The following DPP6 variants were observed in gnomAD, a reference collection of about 807,000 sequenced individuals.
The protein encoded by DPP6 is dipeptidyl peptidase like 6, also known as A-type potassium channel modulatory protein DPP6.
DPP6 carries 69 observed loss-of-function variants against 122.6 expected under a neutral mutation model. The ratio of observed to expected loss-of-function variants is 0.56; its 90% confidence interval spans 0.46 to 0.69. The LOEUF (loss-of-function observed/expected upper bound fraction) is 0.69, where lower values mean the gene tolerates loss of function less well. DPP6 is among the 30% of genes least tolerant of loss of function. The pLI is 0.00. For missense variants in DPP6, 928 were observed against 1,116.9 expected (o/e 0.83, Z 2.41); for synonymous variants, 418 against 433.1 (o/e 0.97, Z 0.43).
chr7:154,237,042 C>T (rs1232796904), intron 1 of DPP6, among the ~76,000 whole-genome samples: 5 of 152,126 alleles, frequency 3.3e-5, no homozygotes, highest in Non-Finnish European at 7.3e-5. Flanking sequence ...GAGTCCTTCC[C>T]ATTGAGGTCC....
the DPP6 span, among the ~76,000 whole-genome samples, chr7:153,789,942 A>G: frequency 6.6e-6 from 1 of 152,148 alleles, no homozygotes; most frequent in Non-Finnish European, 1.5e-5. Context: ...AGGAGTATCT[A>G]GAGAATTTGG....
At chr7:154,807,558 C>T (rs943243364) in intron 16 of DPP6, among the ~76,000 whole-genome samples, 14 of 152,310 alleles carry the variant, frequency 9.2e-5, no homozygotes, top group South Asian at 2.1e-4. Flanking sequence ...CGGTGGCTCA[C>T]GCTTGTAATC....
intron 18 of DPP6, among the ~76,000 whole-genome samples, chr7:154,870,499 G>C (rs1389454817): frequency 1.3e-5 from 2 of 152,092 alleles, no homozygotes; most frequent in East Asian, 3.9e-4. Context: ...CCAGTTACTT[G>C]GGAGGCTGAG....
At chr7:154,803,767 C>G in intron 13 of DPP6, 97 bp from the exon 14 acceptor site, 11 of 1,486,168 alleles carry the variant, frequency 7.4e-6, no homozygotes, top group Non-Finnish European at 9.0e-6. Context: ...GAATGGCAGC[C>G]CCTGTCACCT....
intron 10 of DPP6, among the ~76,000 whole-genome samples, chr7:154,781,934 A>G (rs1016261948): frequency 7.2e-5 from 11 of 152,368 alleles, no homozygotes; most frequent in African/African-American, 2.4e-4. Context: ...TTTATGGCAA[A>G]CAAATGGACT....
intron 1 of DPP6, among the ~76,000 whole-genome samples, chr7:153,944,664 GTTTT>G (rs139824215): frequency 7.5e-5 from 8 of 106,982 alleles, no homozygotes; most frequent in Non-Finnish European, 1.2e-4. Context: ...TTTTGTGTGG[GTTTT>G]TTTTTTTTTT....
At chr7:154,619,447 T>A (rs1344419202) in intron 5 of DPP6, among the ~76,000 whole-genome samples, 2 of 152,244 alleles carry the variant, frequency 1.3e-5, no homozygotes, top group Non-Finnish European at 2.9e-5. Flanking sequence ...ATGAAAAGAA[T>A]GTTTGCTCAC....
intron 6 of DPP6, among the ~76,000 whole-genome samples, chr7:154,638,278 T>A (rs967550206): frequency 6.6e-6 from 1 of 152,164 alleles, no homozygotes; most frequent in African/African-American, 2.4e-5. Flanking sequence ...TAGAAGCCTC[T>A]CTCAGCCCAC....
intron 1 of DPP6, among the ~76,000 whole-genome samples, chr7:154,277,065 G>A (rs1298044414): frequency 1.3e-5 from 2 of 152,178 alleles, no homozygotes; most frequent in Admixed American, 6.6e-5. Flanking sequence ...AATAGACCAT[G>A]AAGAGGACAC....
intron 1 of DPP6, among the ~76,000 whole-genome samples, chr7:154,073,013 C>T (rs781073981): frequency 2.6e-5 from 4 of 152,234 alleles, no homozygotes; most frequent in Non-Finnish European, 5.9e-5. Flanking sequence ...TTCATCCACC[C>T]TCCTGTGAGT....
At chr7:153,908,074 A>AATTGATAC (rs1285616658) in intron 1 of DPP6, among the ~76,000 whole-genome samples, 3 of 150,470 alleles carry the variant, frequency 2.0e-5, no homozygotes, top group African/African-American at 7.4e-5. Context: ...AGACAACAAG[A>AATTGATAC]ATTGATACAT....
chr7:154,834,456 A>G (rs1476576739), intron 16 of DPP6, among the ~76,000 whole-genome samples: 1 of 150,052 alleles, frequency 6.7e-6, no homozygotes, highest in East Asian at 2.0e-4. Context: ...AGCCTGGGTG[A>G]CAAAAGCAAA....
intron 5 of DPP6, among the ~76,000 whole-genome samples, chr7:154,576,179 C>A (rs908901875): frequency 9.2e-5 from 14 of 152,048 alleles, no homozygotes; most frequent in Non-Finnish European, 1.6e-4. Flanking sequence ...CTTCCCCGTG[C>A]CCCCATCCCG....
chr7:154,488,845 C>T (rs1473828883), intron 3 of DPP6, among the ~76,000 whole-genome samples: 2 of 152,184 alleles, frequency 1.3e-5, no homozygotes, highest in African/African-American at 2.4e-5. Flanking sequence ...AAATCCCCGT[C>T]CCTCCTCCAT....
At chr7:154,575,064 G>GT in intron 5 of DPP6, among the ~76,000 whole-genome samples, 1 of 119,708 alleles carries the variant, frequency 8.4e-6, no homozygotes, top group Admixed American at 8.3e-5. Context: ...TGGTGTGTTT[G>GT]GTGTGTTGTG....
At chr7:154,341,216 G>T (rs1314045344) in intron 1 of DPP6, among the ~76,000 whole-genome samples, 1 of 152,104 alleles carries the variant, frequency 6.6e-6, no homozygotes, top group Non-Finnish European at 1.5e-5. Context: ...TGGGGCGAAA[G>T]GTGAAGGTGT....
At chr7:153,863,802 G>A in the DPP6 span, among the ~76,000 whole-genome samples, 11 of 151,738 alleles carry the variant, frequency 7.2e-5, no homozygotes, top group South Asian at 2.1e-4. Flanking sequence ...TATTCTGCAC[G>A]TTTCGTATAA....
chr7:154,281,959 G>A (rs1045799438), intron 1 of DPP6, among the ~76,000 whole-genome samples: 1 of 152,154 alleles, frequency 6.6e-6, no homozygotes, highest in Non-Finnish European at 1.5e-5. Context: ...GGTATGGGGG[G>A]TTTGGAGCCA....
At chr7:154,743,947 C>T (rs906301502) in intron 8 of DPP6, among the ~76,000 whole-genome samples, 10 of 152,304 alleles carry the variant, frequency 6.6e-5, no homozygotes, top group South Asian at 2.1e-4. Context: ...AGTCGACCCA[C>T]GCAGTTCAAA....
Sources: gnomAD v4.1 joint callset for allele counts (sites outside exome capture counted in the v4.1 genomes callset) on GRCh38, gnomAD v4.1.1 for gene constraint, MANE v1.5 for transcripts, NCBI Gene and HGNC (gene_info 2026-07-23, HGNC 2026-07-21) for gene names.